The following PACS1 variants were observed in gnomAD, a reference collection of about 807,000 sequenced individuals.
PACS1 encodes phosphofurin acidic cluster sorting protein 1, also known as PACS-1.
A neutral mutation model predicts 115.0 loss-of-function variants in PACS1; 24 were observed. The observed-to-expected ratio is 0.21, with a 90% CI of 0.15 to 0.29. The LOEUF is 0.29. PACS1 is among the 10% of genes least tolerant of loss of function. The pLI is 1.00. For missense variants in PACS1, 838 were observed against 1,251.2 expected (o/e 0.67, Z 4.98); for synonymous variants, 453 against 504.5 (o/e 0.90, Z 1.37).
chr11:66,114,417 C>A (rs74474893), intron 1 of PACS1, among the ~76,000 whole-genome samples: 261 of 131,986 alleles, frequency 2.0e-3, no homozygotes, highest in Admixed American at 2.4e-3. Context: ...GACTCCGCCT[C>A]AAAAAAAAAA....
At chr11:66,080,483 C>T (rs777431319) in intron 1 of PACS1, among the ~76,000 whole-genome samples, 2 of 152,142 alleles carry the variant, frequency 1.3e-5, no homozygotes, top group South Asian at 2.1e-4. Context: ...CGCTGATGCT[C>T]GCTGCAGTGA....
At chr11:66,140,035 C>G (rs541348816) in intron 1 of PACS1, among the ~76,000 whole-genome samples, 1 of 152,174 alleles carries the variant, frequency 6.6e-6, no homozygotes, top group Non-Finnish European at 1.5e-5. Context: ...CCTTTACCCA[C>G]GTACTGAATC....
At chr11:66,116,374 C>T (rs1157093845) in intron 1 of PACS1, among the ~76,000 whole-genome samples, 1 of 152,178 alleles carries the variant, frequency 6.6e-6, no homozygotes, top group Non-Finnish European at 1.5e-5. Context: ...CAGTGCTCAC[C>T]AAAAGCTGTT....
At chr11:66,194,951 A>G (rs1402933982) in intron 2 of PACS1, among the ~76,000 whole-genome samples, 1 of 152,076 alleles carries the variant, frequency 6.6e-6, no homozygotes, top group Non-Finnish European at 1.5e-5. Context: ...TGGGCCGGGC[A>G]CTGTGGCTCA....
At chr11:66,189,649 G>GT in intron 1 of PACS1, among the ~76,000 whole-genome samples, 1 of 152,226 alleles carries the variant, frequency 6.6e-6, no homozygotes, top group South Asian at 2.1e-4. Flanking sequence ...GTGTTGATGA[G>GT]TGAAGAATCT....
At chr11:66,239,533 A>G (rs1290208007) in intron 21 of PACS1, among the ~76,000 whole-genome samples, 1 of 152,164 alleles carries the variant, frequency 6.6e-6, no homozygotes, top group African/African-American at 2.4e-5. Context: ...AAAAAACCCA[A>G]AACACTAAAG....
At chr11:66,241,896 G>A (rs534503187) in intron 22 of PACS1, among the ~76,000 whole-genome samples, 2 of 152,198 alleles carry the variant, frequency 1.3e-5, no homozygotes, top group South Asian at 4.1e-4. Flanking sequence ...CAGTACTTTA[G>A]GGGCTGAGGC....
chr11:66,103,513 ATTTTTTTTTTTT>A (rs556121033), intron 1 of PACS1, among the ~76,000 whole-genome samples: 2 of 109,176 alleles, frequency 1.8e-5, no homozygotes, highest in East Asian at 2.8e-4. Flanking sequence ...TTTGTTTGGA[ATTTTTTTTTTTT>A]TTTTTTTTTT....
chr11:66,169,084 C>G (rs1565132136), intron 1 of PACS1, among the ~76,000 whole-genome samples: 1 of 150,412 alleles, frequency 6.6e-6, no homozygotes, highest in Non-Finnish European at 1.5e-5. Flanking sequence ...ACAGTATAAC[C>G]TTGAATAAAA....
At chr11:66,160,529 G>T (rs1215611501) in intron 1 of PACS1, among the ~76,000 whole-genome samples, 2 of 151,760 alleles carry the variant, frequency 1.3e-5, no homozygotes, top group African/African-American at 4.8e-5. Context: ...TTGAGATGAG[G>T]TCCCTTGGCC....
intron 1 of PACS1, among the ~76,000 whole-genome samples, chr11:66,117,226 C>T (rs1858324686): frequency 6.6e-6 from 1 of 151,912 alleles, no homozygotes; most frequent in Non-Finnish European, 1.5e-5. Context: ...TTTGGGAGGC[C>T]TAGGTGGATA....
chr11:66,164,229 A>T (rs1436570119), intron 1 of PACS1, among the ~76,000 whole-genome samples: 2 of 152,142 alleles, frequency 1.3e-5, no homozygotes, highest in East Asian at 3.9e-4. Flanking sequence ...AACTCTACAG[A>T]GTTAATGATT....
In PACS1 at chr11:66,171,644, A is replaced by G. The variant is rs1280908103; in HGVS notation, c.357-21842A>G. ...GCCCAGGCTGGAGTGCAGTGGCGCA[A>G]TCTCGGCTCACTGCAAGCTCCGCCT... is the stretch of plus-strand genomic sequence containing the variant. On this transcript the variant is annotated intron_variant, in intron 1 of 23. Transcript: ENST00000320580. 2.0e-5 allele frequency among the ~76,000 whole-genome samples: 3 copies of G among 149,778 alleles called. No homozygotes were observed. In the East Asian group the frequency reaches 5.8e-4, roughly 29 times the overall value.
intron 11 of PACS1, among the ~76,000 whole-genome samples, chr11:66,228,222 G>A (rs987545128): frequency 6.6e-6 from 1 of 152,020 alleles, no homozygotes; most frequent in South Asian, 2.1e-4. Context: ...TGCAGGTTAC[G>A]TCAAAGTTCA....
chr11:66,144,448 T>G (rs1164142017), intron 1 of PACS1, among the ~76,000 whole-genome samples: 8 of 152,224 alleles, frequency 5.3e-5, no homozygotes, highest in Non-Finnish European at 1.0e-4. Context: ...TTTTCTTTCA[T>G]GTGTGAGAAT....
chr11:66,212,353 C>T (rs1336941571), intron 4 of PACS1, among the ~76,000 whole-genome samples: 7 of 150,926 alleles, frequency 4.6e-5, no homozygotes, highest in Non-Finnish European at 8.9e-5. Flanking sequence ...AGGATGGTCT[C>T]ATTCTCCTGA....
chr11:66,101,332 G>A (rs1038658702), intron 1 of PACS1, among the ~76,000 whole-genome samples: 1 of 152,094 alleles, frequency 6.6e-6, no homozygotes, highest in African/African-American at 2.4e-5. Context: ...TCATTCTTGT[G>A]TGATACAGAA....
intron 1 of PACS1, among the ~76,000 whole-genome samples, chr11:66,071,584 G>A (rs1318409292): frequency 6.6e-6 from 1 of 152,200 alleles, no homozygotes; most frequent in Non-Finnish European, 1.5e-5. Flanking sequence ...AATATTTTCT[G>A]TTTTTGTATT....
At chr11:66,092,360 GA>G (rs1362439071) in intron 1 of PACS1, among the ~76,000 whole-genome samples, 1 of 151,968 alleles carries the variant, frequency 6.6e-6, no homozygotes, top group Non-Finnish European at 1.5e-5. Flanking sequence ...CCCACTTTTT[GA>G]TGGGGTTGTT....
Sources: allele counts gnomAD v4.1 joint callset (sites outside exome capture counted in the v4.1 genomes callset), GRCh38; gene constraint gnomAD v4.1.1; transcripts MANE v1.5; gene names NCBI Gene and HGNC (gene_info 2026-07-23, HGNC 2026-07-21).